The following PRKACB variants were observed in gnomAD, a reference collection of about 807,000 sequenced individuals.
The protein encoded by PRKACB is cAMP-dependent protein kinase catalytic subunit beta.
In PRKACB, 16 loss-of-function variants were observed where a neutral mutation model predicts 51.4. The observed-to-expected ratio is 0.31, with a 90% confidence interval of 0.21 to 0.47. PRKACB has a LOEUF of 0.47. Ranked by LOEUF, PRKACB falls within the 20% of genes least tolerant of loss-of-function variation. The pLI is 1.00. For synonymous variants in PRKACB, 147 were observed against 154.4 expected, an observed-to-expected ratio of 0.95 and a Z score of 0.35; for missense variants, 309 against 464.5, an observed-to-expected ratio of 0.67 and a Z score of 3.08.
chr1:84,219,504 C>T (rs1673372197), intron 9 of PRKACB, among the ~76,000 whole-genome samples: 1 of 151,756 alleles, frequency 6.6e-6, no homozygotes, highest in Admixed American at 6.6e-5. Context: ...AGCCACCATG[C>T]CCCACCCATA....
At chr1:84,224,875 G>T (rs1398886449) in intron 9 of PRKACB, among the ~76,000 whole-genome samples, 1 of 152,142 alleles carries the variant, frequency 6.6e-6, no homozygotes, top group Non-Finnish European at 1.5e-5. Context: ...GGGAAGGCCT[G>T]TCCCCAGGCT....
chr1:84,182,321 A>G lies in PRKACB; in HGVS notation c.371A>G (p.Lys124Arg), dbSNP rs1227350954. The change falls in exon 3 of 10, where the codon AAG (lysine) becomes AGG (arginine). Residue 124 changes from lysine to arginine, a missense_variant. By Grantham distance (26) the Lys-to-Arg change is conservative. Around this residue, in one of 3 missense-constraint regions of PRKACB, gnomAD observed 153 missense variants for 190.2 expected, o/e 0.80. Coordinates refer to ENST00000370685, the MANE Select transcript of PRKACB (RefSeq NM_182948.4). The stretch of plus-strand genomic sequence containing the variant: ...TATTATGCCATGAAGATCTTAGATA[A>G]GCAGAAGGTGAGTGTATTTGTTGTT... ...EQYYAMKILD[K>R]QKVVKLKQIE... The G allele has an allele frequency of 6.4e-7, 1 of 1,566,992 alleles. No homozygotes were observed. The highest frequency in any genetic ancestry group is 1.8e-5 in the Admixed American group (1 of 55,634).
chr1:84,121,778 C>T (rs1186211094), intron 1 of PRKACB, among the ~76,000 whole-genome samples: 1 of 152,074 alleles, frequency 6.6e-6, no homozygotes, highest in Non-Finnish European at 1.5e-5. Context: ...TGCTGTGGCC[C>T]TCAGATTTCA....
intron 1 of PRKACB, among the ~76,000 whole-genome samples, chr1:84,125,034 CTAAATAGTGGCT>C (rs138378850): frequency 0.13 from 19,656 of 152,120 alleles, 1,637 homozygotes; most frequent in Non-Finnish European, 0.19. Context: ...ATTGCTATAA[CTAAATAGTGGCT>C]TAAATAGTGG....
At chr1:84,116,615 A>G (rs1320172790) in intron 1 of PRKACB, among the ~76,000 whole-genome samples, 1 of 151,976 alleles carries the variant, frequency 6.6e-6, no homozygotes, top group African/African-American at 2.4e-5. Flanking sequence ...TTTCTTTCTC[A>G]GCTAGATCAT....
chr1:84,204,426 A>T, intron 8 of PRKACB: 1 of 1,344,718 alleles, frequency 7.4e-7, no homozygotes, highest in Non-Finnish European at 1.1e-6. Context: ...TTCTTCTTAC[A>T]TTTGTAGATC....
chr1:84,098,897 A>G (rs1415607588), intron 1 of PRKACB, among the ~76,000 whole-genome samples: 1 of 152,082 alleles, frequency 6.6e-6, no homozygotes, highest in Non-Finnish European at 1.5e-5. Flanking sequence ...TATTTGGGGT[A>G]TCAAGGATCC....
At chr1:84,178,962 T>C (rs1184859361) in intron 1 of PRKACB, 1 of 373,526 alleles carries the variant, frequency 2.7e-6, no homozygotes, top group Non-Finnish European at 4.4e-6. Context: ...CAAAGTGGTT[T>C]CTTTATAGAA....
chr1:84,197,952 A>G (rs376153791), intron 7 of PRKACB, 128 bp downstream of exon 7: 19 of 624,448 alleles, frequency 3.0e-5, no homozygotes, highest in Middle Eastern at 3.5e-4. Context: ...ATTTAAATCT[A>G]TTTGTGCATG....
chr1:84,235,530 T>A lies in PRKACB; in HGVS notation c.*225T>A. On this transcript the variant is annotated 3_prime_UTR_variant, in exon 10 of 10. Coordinates refer to ENST00000370685, the MANE Select transcript of PRKACB (RefSeq NM_182948.4). Reference sequence around the variant, plus strand: ...GTGCCATAACACAGTACTAGACCACTTTCTTACTTCTCTTTGGGTTGTCTT... The same window carrying A: ...GTGCCATAACACAGTACTAGACCACATTCTTACTTCTCTTTGGGTTGTCTT... 2 of 451,482 alleles carry A rather than the reference T, an allele frequency of 4.4e-6. No individual in the cohort carries two copies. The highest frequency in any genetic ancestry group is 7.8e-6 in the Non-Finnish European group (2 of 257,334). 28.0% of individuals were successfully genotyped at this position (451,482 alleles called of 1,614,324 possible).
At chr1:84,222,360 A>G (rs1272739315) in intron 9 of PRKACB, among the ~76,000 whole-genome samples, 1 of 152,110 alleles carries the variant, frequency 6.6e-6, no homozygotes, top group Non-Finnish European at 1.5e-5. Context: ...AGATCATGTT[A>G]TGTTTATATA....
chr1:84,168,888 C>A (rs1658436258), intron 1 of PRKACB, among the ~76,000 whole-genome samples: 1 of 151,506 alleles, frequency 6.6e-6, no homozygotes, highest in Admixed American at 6.6e-5. Context: ...AAGGCTCTTT[C>A]CTGACATAGA....
At chr1:84,134,226 A>G (rs1460544397) in intron 1 of PRKACB, among the ~76,000 whole-genome samples, 1 of 152,026 alleles carries the variant, frequency 6.6e-6, no homozygotes, top group African/African-American at 2.4e-5. Context: ...TTTTATGGGT[A>G]TAGGATTTGG....
At chr1:84,131,808 T>G (rs1557989490) in intron 1 of PRKACB, among the ~76,000 whole-genome samples, 1 of 152,096 alleles carries the variant, frequency 6.6e-6, no homozygotes, top group Non-Finnish European at 1.5e-5. Flanking sequence ...AACATGGGAG[T>G]GTGACACCTC....
rs550110662 is a variant in PRKACB, at chr1:84,230,172, C to A, written c.1072-5008C>A. 1.2e-3 allele frequency among the ~76,000 whole-genome samples: 181 copies of A among 151,920 alleles called. 7 individuals are homozygous for A. Among genetic ancestry groups the A allele is most frequent in the Middle Eastern group, 0.01 (3 of 294 alleles). On this transcript the variant is annotated intron_variant, in intron 9 of 9. Transcript: ENST00000370685. ...ATATGGCTAGCCAGTTTTCCCAGCA[C>A]CATTTATTAAATAGGGAATCCTTTC...
At chr1:84,188,582 T>C (rs1428893035) in intron 5 of PRKACB, among the ~76,000 whole-genome samples, 1 of 151,956 alleles carries the variant, frequency 6.6e-6, no homozygotes, top group East Asian at 1.9e-4. Context: ...GAATTATGAA[T>C]AACGTTAATT....
chr1:84,212,354 T>C (rs550883480), intron 8 of PRKACB, among the ~76,000 whole-genome samples: 1 of 147,302 alleles, frequency 6.8e-6, no homozygotes, highest in Non-Finnish European at 1.5e-5. Context: ...AATTTACTTA[T>C]AGACTAGCAC....
chr1:84,167,437 T>C (rs1420225386), intron 1 of PRKACB, among the ~76,000 whole-genome samples: 1 of 151,578 alleles, frequency 6.6e-6, no homozygotes, highest in East Asian at 1.9e-4. Flanking sequence ...ATTTATAGTC[T>C]TTATCATAAA....
intron 5 of PRKACB, among the ~76,000 whole-genome samples, chr1:84,187,150 A>T (rs1665373368): frequency 6.6e-6 from 1 of 152,176 alleles, no homozygotes; most frequent in African/African-American, 2.4e-5. Context: ...ACTGGGTTGA[A>T]CTAAAGCAGA....
Sources: allele counts gnomAD v4.1 joint callset (sites outside exome capture counted in the v4.1 genomes callset), GRCh38; gene constraint gnomAD v4.1.1; regional missense constraint gnomAD v4.1.1; transcripts MANE v1.5; gene names NCBI Gene and HGNC (gene_info 2026-07-23, HGNC 2026-07-21).